SORCS1: variants seen among roughly 807,000 people sequenced by gnomAD.
SORCS1 encodes VPS10 domain-containing receptor SorCS1.
In SORCS1, 60 loss-of-function variants were observed where a neutral mutation model predicts 146.1. The ratio of observed to expected loss-of-function variants is 0.41; its 90% CI spans 0.33 to 0.51. SORCS1 has a LOEUF of 0.51. SORCS1 is among the 20% of genes least tolerant of loss of function. The probability of loss-of-function intolerance (pLI) is 0.21; values close to 1 mark genes in which losing one functional copy is unlikely to be tolerated. For synonymous variants in SORCS1, 637 were observed against 584.0 expected, an observed-to-expected ratio of 1.09 and a Z score of -1.31; for missense variants, 1,352 against 1,487.6, an observed-to-expected ratio of 0.91 and a Z score of 1.50.
chr10:107,136,648 A>G (rs1174337944), intron 1 of SORCS1, among the ~76,000 whole-genome samples: 1 of 152,194 alleles, frequency 6.6e-6, no homozygotes, highest in Non-Finnish European at 1.5e-5. Flanking sequence ...TGCCTCACAT[A>G]TATCATTTGA....
At chr10:106,665,393 T>C (rs935639717) in intron 17 of SORCS1, among the ~76,000 whole-genome samples, 10 of 151,332 alleles carry the variant, frequency 6.6e-5, no homozygotes, top group Non-Finnish European at 1.2e-4. Context: ...TCTCTCTTTT[T>C]TTTTTTTTTT....
chr10:106,880,666 G>A (rs948880156), intron 2 of SORCS1, among the ~76,000 whole-genome samples: 4 of 152,128 alleles, frequency 2.6e-5, no homozygotes, highest in African/African-American at 9.7e-5. Context: ...TGAAACTCCA[G>A]AGGATAAACA....
intron 5 of SORCS1, among the ~76,000 whole-genome samples, chr10:106,738,243 G>T (rs1857106204): frequency 1.3e-5 from 2 of 152,202 alleles, no homozygotes; most frequent in African/African-American, 4.8e-5. Flanking sequence ...TAAGGAAGAT[G>T]TATATATGCG....
intron 3 of SORCS1, among the ~76,000 whole-genome samples, chr10:106,798,031 T>C (rs1235266641): frequency 6.6e-6 from 1 of 152,138 alleles, no homozygotes; most frequent in Non-Finnish European, 1.5e-5. Flanking sequence ...TCATCTTGAA[T>C]TCCCATGTAC....
intron 19 of SORCS1, among the ~76,000 whole-genome samples, chr10:106,628,744 A>G (rs770519890): frequency 6.6e-6 from 1 of 152,238 alleles, no homozygotes; most frequent in Non-Finnish European, 1.5e-5. Flanking sequence ...AAGGATTATT[A>G]ATAGCAACAT....
At chr10:106,888,168 G>C (rs540364467) in intron 2 of SORCS1, among the ~76,000 whole-genome samples, 2 of 152,136 alleles carry the variant, frequency 1.3e-5, no homozygotes, top group African/African-American at 2.4e-5. Context: ...CCATTCTTCA[G>C]AAGCTGATTT....
intron 10 of SORCS1, among the ~76,000 whole-genome samples, chr10:106,684,009 C>T (rs1852632438): frequency 6.6e-6 from 1 of 152,158 alleles, no homozygotes; most frequent in Non-Finnish European, 1.5e-5. Context: ...AACAGATTCT[C>T]CTGGGGCAGC....
At chr10:107,113,993 A>G (rs1965864005) in intron 1 of SORCS1, among the ~76,000 whole-genome samples, 1 of 152,256 alleles carries the variant, frequency 6.6e-6, no homozygotes, top group South Asian at 2.1e-4. Context: ...AATACAAAGG[A>G]TCATAAGAGA....
chr10:106,675,093 C>T lies in SORCS1; in HGVS notation c.1896G>A (p.Val632=), dbSNP rs767297319. 1 of 1,613,870 alleles carries T rather than the reference C, an allele frequency of 6.2e-7. No individual in the cohort carries two copies. The part of the protein sequence containing the change: ...KYSFTSIPLF[V]DGVLGEPGEE... ...CTCCAGGCTCACCCAGAACCCCATC[C>T]ACAAAAAGTGGAATAGATGTGAAAC... Residue 632 remains valine, a synonymous_variant, in exon 14 of 26, where the codon GTG becomes GTA. Coordinates refer to ENST00000263054, the MANE Select transcript of SORCS1 (RefSeq NM_052918.5).
chr10:107,005,335 C>T (rs1357139029), intron 1 of SORCS1, among the ~76,000 whole-genome samples: 8 of 40,108 alleles, frequency 2.0e-4, no homozygotes, highest in Non-Finnish European at 2.9e-4. Context: ...CTTTCGGGGG[C>T]GGGGGGTAGG....
intron 22 of SORCS1, 89 bp downstream of exon 22, chr10:106,611,822 G>GTTTA (rs2133419242): frequency 1.9e-6 from 2 of 1,072,820 alleles, no homozygotes; most frequent in East Asian, 2.5e-5. Context: ...TAGTTTGTTT[G>GTTTA]TTTTTGTACA....
At chr10:106,693,126 G>A (rs1299646757) in intron 9 of SORCS1, among the ~76,000 whole-genome samples, 1 of 152,056 alleles carries the variant, frequency 6.6e-6, no homozygotes, top group Non-Finnish European at 1.5e-5. Flanking sequence ...TTATATATAT[G>A]CAAATATTGC....
At chr10:106,703,357 T>C (rs1854270308) in intron 8 of SORCS1, among the ~76,000 whole-genome samples, 1 of 152,128 alleles carries the variant, frequency 6.6e-6, no homozygotes, top group Non-Finnish European at 1.5e-5. Flanking sequence ...TCCATACTAA[T>C]AATAATATTA....
chr10:107,044,894 G>T (rs1590007649), intron 1 of SORCS1, among the ~76,000 whole-genome samples: 1 of 151,898 alleles, frequency 6.6e-6, no homozygotes, highest in African/African-American at 2.4e-5. Context: ...TAGATGGAAA[G>T]GGGTGTCAGT....
chr10:106,838,184 C>T (rs1036042928), intron 2 of SORCS1, among the ~76,000 whole-genome samples: 25 of 152,140 alleles, frequency 1.6e-4, no homozygotes, highest in Non-Finnish European at 3.7e-4. Flanking sequence ...TACAATAGCC[C>T]CTGCTGTTAG....
chr10:106,897,016 G>A (rs1458702591), intron 2 of SORCS1, among the ~76,000 whole-genome samples: 4 of 144,878 alleles, frequency 2.8e-5, no homozygotes, highest in Non-Finnish European at 6.0e-5. Flanking sequence ...TCAGCCTCCC[G>A]AGTAGCTGGG....
At chr10:106,993,219 G>A (rs1041865324) in intron 1 of SORCS1, among the ~76,000 whole-genome samples, 2 of 152,148 alleles carry the variant, frequency 1.3e-5, no homozygotes, top group Non-Finnish European at 2.9e-5. Context: ...AGATGCCCAA[G>A]TAGGGCTGGA....
intron 1 of SORCS1, among the ~76,000 whole-genome samples, chr10:107,035,947 T>C (rs556832989): frequency 4.7e-4 from 70 of 149,100 alleles, no homozygotes; most frequent in African/African-American, 1.6e-3. Flanking sequence ...ATATATAATA[T>C]ATATAGTTTG....
At chr10:106,921,369 C>T (rs1952703376) in intron 2 of SORCS1, among the ~76,000 whole-genome samples, 1 of 152,146 alleles carries the variant, frequency 6.6e-6, no homozygotes, top group South Asian at 2.1e-4. Flanking sequence ...TATCAGGCTC[C>T]ACTGATGCAA....
Sources: gnomAD v4.1 joint callset for allele counts (sites outside exome capture counted in the v4.1 genomes callset) on GRCh38, gnomAD v4.1.1 for gene constraint, MANE v1.5 for transcripts, NCBI Gene and HGNC (gene_info 2026-07-23, HGNC 2026-07-21) for gene names.